Variants in WDHD1 observed in about 807,000 individuals in gnomAD.
The protein encoded by WDHD1 is WD repeat and HMG-box DNA-binding protein 1.
Under a neutral mutation model 135.4 loss-of-function variants are expected in WDHD1, and 111 were observed. The ratio of observed to expected loss-of-function variants is 0.82; its 90% CI spans 0.70 to 0.96. WDHD1 has a LOEUF of 0.96. Ranked by LOEUF, WDHD1 falls within the 40% of genes least tolerant of loss-of-function variation. WDHD1 has a pLI of 0.00. For synonymous variants in WDHD1, 434 were observed against 439.0 expected (o/e 0.99, Z 0.14); for missense variants, 1,351 against 1,336.3 (o/e 1.01, Z -0.17).
rs139632055 is a variant in WDHD1, at chr14:55,012,789, G to C, written c.189+696C>G. On this transcript the variant is annotated intron_variant, in intron 3 of 25. Coordinates refer to ENST00000360586, the MANE Select transcript of WDHD1 (RefSeq NM_007086.4). ...ACCCTTTTATGATGAACCCACTCCT[G>C]AGATGGTGGCATCAATCCAATCATG... is the stretch of plus-strand genomic sequence containing the variant. 2.7e-3 allele frequency among the ~76,000 whole-genome samples: 405 copies of C among 152,208 alleles called. 2 individuals are homozygous for C. The highest frequency in any genetic ancestry group is 9.4e-3 in the African/African-American group (391 of 41,530).
At chr14:54,989,619 A>T (rs757388357) in intron 12 of WDHD1, among the ~76,000 whole-genome samples, 4 of 152,098 alleles carry the variant, frequency 2.6e-5, no homozygotes, top group Admixed American at 1.3e-4. Flanking sequence ...TTTTTTCCTA[A>T]CTATTCTATG....
chr14:54,988,272 C>T (rs2041725945), intron 13 of WDHD1, among the ~76,000 whole-genome samples: 1 of 151,468 alleles, frequency 6.6e-6, no homozygotes, highest in African/African-American at 2.4e-5. Context: ...TAAATTTAAT[C>T]CATCATGACA....
At chr14:54,977,874 A>T (rs1470190937) in intron 16 of WDHD1, among the ~76,000 whole-genome samples, 1 of 150,664 alleles carries the variant, frequency 6.6e-6, no homozygotes, top group East Asian at 2.0e-4. Flanking sequence ...AATCTTAAAT[A>T]AAAAGCAAGT....
Position 54,989,113 on chromosome 14 carries a change from A to C in WDHD1, c.1441T>G (p.Leu481Val). 1 of 1,613,856 alleles carries C rather than the reference A, an allele frequency of 6.2e-7. No individual in the cohort carries two copies. The highest frequency in any genetic ancestry group is 8.5e-7 in the Non-Finnish European group (1 of 1,179,868). ...HDTSIHHATH[L>V]SNTLNYTIAD... ...ATTGTATAATTCAAAGTGTTTGATA[A>C]GTGTGTTGCATGGTGTATGGAGGTA... Residue 481 changes from leucine (L) to valine (V), a missense_variant, in exon 13 of 26, where the codon TTA becomes GTA. Transcript: ENST00000360586.
chr14:54,986,466 C>T (rs1224594271), intron 14 of WDHD1, among the ~76,000 whole-genome samples: 2 of 152,136 alleles, frequency 1.3e-5, no homozygotes, highest in Non-Finnish European at 2.9e-5. Flanking sequence ...CCACACCACA[C>T]CACACCATAC....
In WDHD1 at chr14:55,000,618, A is replaced by C. The variant is rs780156639; in HGVS notation, c.827T>G (p.Ile276Ser). Residue 276 changes from isoleucine to serine, a missense_variant, in exon 10 of 26, where the codon ATT becomes AGT. By Grantham distance (142) the Ile-to-Ser change is moderately radical. Coordinates refer to ENST00000360586, the MANE Select transcript of WDHD1 (RefSeq NM_007086.4). Reference protein sequence around the residue: ...ERVKHEKGYAICGLAWHPTCG... With the variant: ...ERVKHEKGYASCGLAWHPTCG... The stretch of plus-strand genomic sequence containing the variant: ...AGTAGGATGCCATGCCAGACCACAA[A>C]TTGCATAACCTTTCTCATGTTTCAC... 1 of 1,597,118 alleles carries C rather than the reference A, an allele frequency of 6.3e-7. No individual in the cohort carries two copies. The highest frequency in any genetic ancestry group is 1.1e-5 in the South Asian group (1 of 87,900).
At chr14:55,008,465 G>C in intron 5 of WDHD1, 99 bp from the exon 6 acceptor site, 1 of 1,472,788 alleles carries the variant, frequency 6.8e-7, no homozygotes, top group South Asian at 1.3e-5. Flanking sequence ...TATCAACTGG[G>C]TGAAATTTCC....
chr14:54,987,508 G>A (rs1045706099), intron 13 of WDHD1, 121 bp from the exon 14 acceptor site: 2 of 790,078 alleles, frequency 2.5e-6, no homozygotes, highest in Non-Finnish European at 3.6e-6. Flanking sequence ...TTATACACTA[G>A]TATAAGAAGT....
intron 21 of WDHD1, among the ~76,000 whole-genome samples, chr14:54,962,104 G>A (rs950303898): frequency 9.9e-5 from 15 of 152,142 alleles, no homozygotes; most frequent in African/African-American, 3.4e-4. Flanking sequence ...CAAAGTGCTG[G>A]GATTACAGGC....
chr14:54,961,507 C>T (rs2140166170), intron 21 of WDHD1, among the ~76,000 whole-genome samples: 1 of 152,178 alleles, frequency 6.6e-6, no homozygotes, highest in Non-Finnish European at 1.5e-5. Context: ...AGCCCAAATG[C>T]TTCTCTTCTG....
At chr14:55,000,802 C>T (rs2041968007) in intron 9 of WDHD1, 84 bp downstream of exon 9, 10 of 1,176,590 alleles carry the variant, frequency 8.5e-6, no homozygotes, top group Non-Finnish European at 1.1e-5. Flanking sequence ...AATCTGATGG[C>T]AAATTTGAAA....
chr14:54,963,995 C>T (rs2140169449), intron 18 of WDHD1, among the ~76,000 whole-genome samples: 1 of 152,212 alleles, frequency 6.6e-6, no homozygotes, highest in African/African-American at 2.4e-5. Context: ...GCAGTCTTAT[C>T]TACTCAGGAG....
chr14:55,020,507 A>G (rs2042328293), intron 2 of WDHD1, among the ~76,000 whole-genome samples: 1 of 152,142 alleles, frequency 6.6e-6, no homozygotes, highest in Non-Finnish European at 1.5e-5. Context: ...CTTGATCTCT[A>G]AATATTTTGG....
Position 55,027,047 on chromosome 14 carries a change from C to A in WDHD1, c.-36G>T, listed in dbSNP as rs1054283763. On this transcript the variant is annotated 5_prime_UTR_variant, in exon 1 of 26. Coordinates refer to ENST00000360586, the MANE Select transcript of WDHD1 (RefSeq NM_007086.4). The stretch of plus-strand genomic sequence containing the variant: ...ACTCACCCGGGTGACCGAGCCTCCG[C>A]CACTGAGGATCCACAAGAGCTGCTT... The A allele has an allele frequency of 2.7e-5, 13 of 480,086 alleles. No individual in the cohort carries two copies. Among genetic ancestry groups the A allele is most frequent in the Admixed American group, 1.3e-4 (4 of 30,696 alleles). The allele number at this position is 480,086 out of a possible 1,614,324, so 29.7% of individuals were successfully genotyped here. A position where few individuals can be genotyped will look rare whatever the true frequency, so the allele number is the denominator to read the frequency against.
chr14:54,967,358 G>A lies in WDHD1; in HGVS notation c.2100C>T (p.Thr700=). ...ATATAGCAACAGCAGGGCGTGGAAG[G>A]GTTGGGGGAAACCGAGAACCTTTAC... ...IPCKGSRFPP[T]LPRPAVAILS... The change falls in exon 17 of 26, where the codon ACC becomes ACT. Residue 700 remains threonine, a synonymous_variant. Transcript: ENST00000360586. The A allele has an allele frequency of 6.2e-7, 1 of 1,612,080 alleles. No individual in the cohort carries two copies. Among genetic ancestry groups the A allele is most frequent in the Non-Finnish European group, 8.5e-7 (1 of 1,178,838 alleles).
chr14:54,992,869 T>C (rs2041814173), intron 11 of WDHD1, among the ~76,000 whole-genome samples: 1 of 152,130 alleles, frequency 6.6e-6, no homozygotes, highest in Non-Finnish European at 1.5e-5. Flanking sequence ...GGTGTGATGA[T>C]ACCACTGCAC....
Position 54,962,863 on chromosome 14 carries a change from A to G in WDHD1, c.2532-10T>C. The stretch of plus-strand genomic sequence containing the variant: ...AGCAGTATTGCTGTAACTAAGAGAA[A>G]ATAATATTATTCAATAAAGAGCTAT... On this transcript the variant is annotated splice_polypyrimidine_tract_variant and intron_variant, in intron 19 of 25. Transcript: ENST00000360586. 2 of 1,611,502 alleles carry G rather than the reference A, an allele frequency of 1.2e-6. No individual in the cohort carries two copies. Among genetic ancestry groups the G allele is most frequent in the Non-Finnish European group, 1.7e-6 (2 of 1,179,746 alleles).
Position 54,972,687 on chromosome 14 carries a change from G to C in WDHD1, c.2064-5293C>G, listed in dbSNP as rs1391671360. On this transcript the variant is annotated intron_variant, in intron 16 of 25. Transcript: ENST00000360586. ...AAAGAGAAAAAAATCAGGCATGGTA[G>C]TGGGCACTTGTAATCCCAGATATTC... Among the ~76,000 whole-genome samples the C allele has an allele frequency of 2.0e-5, 3 of 150,364 alleles. No individual in the cohort carries two copies. In the East Asian group the frequency reaches 5.9e-4, roughly 30 times the overall value.
chr14:54,941,398 AT>A lies in WDHD1; in HGVS notation c.*91del. The A allele has an allele frequency of 1.1e-6, 1 of 944,600 alleles. No homozygotes were observed. The highest frequency in any genetic ancestry group is 1.5e-6 in the Non-Finnish European group (1 of 684,346). 58.5% of individuals were successfully genotyped at this position (944,600 alleles called of 1,614,324 possible). A position where few individuals can be genotyped will look rare whatever the true frequency, so the allele number is the denominator to read the frequency against. On this transcript the variant is annotated 3_prime_UTR_variant, in exon 26 of 26. Coordinates refer to ENST00000360586, the MANE Select transcript of WDHD1 (RefSeq NM_007086.4). Reference sequence around the variant, plus strand: ...ACAGTTGCTTCAAACTCTTTAAAAAATATATATATAATGAGTTTCCCAAAGA... The same window carrying A: ...ACAGTTGCTTCAAACTCTTTAAAAAAATATATATAATGAGTTTCCCAAAGA...
Sources: gnomAD v4.1 joint callset for allele counts (sites outside exome capture counted in the v4.1 genomes callset) on GRCh38, gnomAD v4.1.1 for gene constraint, MANE v1.5 for transcripts, NCBI Gene and HGNC (gene_info 2026-07-23, HGNC 2026-07-21) for gene names.